KLB: variants seen among roughly 807,000 people sequenced by gnomAD.
KLB encodes klotho beta.
A neutral mutation model predicts 88.4 loss-of-function variants in KLB; 44 were observed. That is an observed-to-expected ratio of 0.50 (90% confidence interval 0.39 to 0.64). The LOEUF is 0.64. Ranked by LOEUF, KLB falls within the 30% of genes least tolerant of loss-of-function variation. The probability of loss-of-function intolerance (pLI) is 0.00; values close to 1 mark genes in which losing one functional copy is unlikely to be tolerated. For synonymous variants in KLB, 548 were observed against 513.4 expected, an observed-to-expected ratio of 1.07 and a Z score of -0.91; for missense variants, 1,137 against 1,304.8, an observed-to-expected ratio of 0.87 and a Z score of 1.98.
chr4:39,445,061 T>C (rs1204728056), intron 3 of KLB, among the ~76,000 whole-genome samples: 4 of 152,228 alleles, frequency 2.6e-5, no homozygotes, highest in Admixed American at 6.5e-5. Context: ...GGAATGTTTT[T>C]CTTAAGGGCT....
At chr4:39,441,795 T>G (rs1024396936) in intron 3 of KLB, 3 of 149,498 alleles carry the variant, frequency 2.0e-5, no homozygotes, top group Non-Finnish European at 2.9e-5. Flanking sequence ...AATAAATAAA[T>G]AAATAAATAA....
At chr4:39,423,256 T>G (rs1743128734) in intron 1 of KLB, among the ~76,000 whole-genome samples, 1 of 146,106 alleles carries the variant, frequency 6.8e-6, no homozygotes, top group Non-Finnish European at 1.5e-5. Flanking sequence ...AGAAGCGCTG[T>G]GCTAGGCACT....
Position 39,448,497 on chromosome 4 carries a change from TAC to T in KLB, c.2948_2949del (p.Thr983ArgfsTer61), listed in dbSNP as rs1743812763. The T allele has an allele frequency of 3.1e-6, 5 of 1,614,048 alleles. No homozygotes were observed. Among genetic ancestry groups the T allele is most frequent in the Non-Finnish European group, 3.4e-6 (4 of 1,180,014 alleles). On this transcript the variant is annotated frameshift_variant, in exon 5 of 5. Coordinates refer to ENST00000257408, the MANE Select transcript of KLB (RefSeq NM_175737.4). LOFTEE classifies it high-confidence loss of function. ...SSRCSQTQENTECTVCLFLVQ... is the reference protein window; with the variant it reads ...SSRCSQTQENXECTVCLFLVQ... ...CTAGATGCAGTCAGACCCAAGAAAA[TAC>T]AGAGTGCACTGTCTGCTTATTCCTT...
At chr4:39,430,985 C>T (rs921381661) in intron 1 of KLB, among the ~76,000 whole-genome samples, 3 of 148,674 alleles carry the variant, frequency 2.0e-5, no homozygotes, top group African/African-American at 7.4e-5. Context: ...GGTGCCATCT[C>T]AGCTCACTGC....
At chr4:39,422,784 C>CA (rs1743118143) in intron 1 of KLB, among the ~76,000 whole-genome samples, 2 of 149,060 alleles carry the variant, frequency 1.3e-5, no homozygotes, top group Non-Finnish European at 3.0e-5. Context: ...TTTTTTGAGA[C>CA]AGAGTCTTGC....
In KLB at chr4:39,446,957, C is replaced by T; in HGVS notation, c.2231C>T (p.Ala744Val). The change falls in exon 4 of 5, where the codon GCG becomes GTG. Residue 744 changes from alanine (A) to valine (V), a missense_variant. This residue lies in a region of KLB where 426 missense variants were observed against 404.6 expected (regional missense o/e 1.05). Coordinates refer to ENST00000257408, the MANE Select transcript of KLB (RefSeq NM_175737.4). The surrounding 1 kb of genome is among the most constrained non-coding windows in gnomAD (Gnocchi z 6.4). ...QRGAVSLSLH[A>V]DWAEPANPYA... ...GGGGCCGTGTCGCTGTCGCTGCACG[C>T]GGACTGGGCGGAACCCGCCAACCCC... 1.2e-6 allele frequency: 2 copies of T among 1,605,866 alleles called. No individual in the cohort carries two copies. The highest frequency in any genetic ancestry group is 8.5e-7 in the Non-Finnish European group (1 of 1,179,134).
chr4:39,418,082 T>C (rs1224506314), intron 1 of KLB, among the ~76,000 whole-genome samples: 1 of 152,224 alleles, frequency 6.6e-6, no homozygotes, highest in Admixed American at 6.5e-5. Context: ...ACAATCTCTC[T>C]ACATGTTTAA....
intron 1 of KLB, among the ~76,000 whole-genome samples, chr4:39,428,320 C>T (rs1471001188): frequency 1.3e-5 from 2 of 151,662 alleles, no homozygotes; most frequent in Non-Finnish European, 2.9e-5. Context: ...CCCAGTTACT[C>T]AGGAGGCTGA....
chr4:39,428,607 G>A (rs1409037012), intron 1 of KLB, among the ~76,000 whole-genome samples: 1 of 152,084 alleles, frequency 6.6e-6, no homozygotes, highest in Non-Finnish European at 1.5e-5. Context: ...AAAAGACAGA[G>A]ATAGCTAAGT....
intron 1 of KLB, among the ~76,000 whole-genome samples, chr4:39,416,248 T>G (rs1742963137): frequency 6.6e-6 from 1 of 152,168 alleles, no homozygotes; most frequent in African/African-American, 2.4e-5. Context: ...TTGATGGCTG[T>G]TAAAACTCAG....
Position 39,407,052 on chromosome 4 carries a change from T to C in KLB, c.103T>C (p.Leu35=). 5.0e-6 allele frequency: 8 copies of C among 1,614,070 alleles called. No individual in the cohort carries two copies. Among genetic ancestry groups the C allele is most frequent in the Non-Finnish European group, 6.8e-6 (8 of 1,179,906 alleles). Residue 35 remains leucine (L), a synonymous_variant, in exon 1 of 5, where the codon TTG becomes CTG. Coordinates refer to ENST00000257408, the MANE Select transcript of KLB (RefSeq NM_175737.4). The part of the protein sequence containing the change: ...RYRNTMSNGG[L]QRSVILSALI... Reference sequence around the variant, plus strand: ...TAGGAATACAATGTCCAACGGGGGATTGCAAAGATCTGTCATCCTGTCAGC... The same window carrying C: ...TAGGAATACAATGTCCAACGGGGGACTGCAAAGATCTGTCATCCTGTCAGC...
intron 1 of KLB, among the ~76,000 whole-genome samples, chr4:39,427,543 A>C (rs1424802258): frequency 6.6e-6 from 1 of 152,042 alleles, no homozygotes; most frequent in Non-Finnish European, 1.5e-5. Flanking sequence ...GCAGATGAAA[A>C]GATGAATCAA....
In KLB at chr4:39,448,508, C is replaced by T. The variant is rs771243302; in HGVS notation, c.2957C>T (p.Thr986Ile). ...CAGACCCAAGAAAATACAGAGTGCA[C>T]TGTCTGCTTATTCCTTGTGCAGAAG... is the stretch of plus-strand genomic sequence containing the variant. ...CSQTQENTECTVCLFLVQKKP... is the reference protein window; with the variant it reads ...CSQTQENTECIVCLFLVQKKP... Residue 986 changes from threonine to isoleucine, a missense_variant, in exon 5 of 5, where the codon ACT becomes ATT. By Grantham distance (89) the Thr-to-Ile change is moderately conservative (BLOSUM62 -1). Coordinates refer to ENST00000257408, the MANE Select transcript of KLB (RefSeq NM_175737.4). 6.2e-7 allele frequency: 1 copy of T among 1,614,176 alleles called. No homozygotes were observed. The highest frequency in any genetic ancestry group is 1.3e-5 in the African/African-American group (1 of 75,060).
At chr4:39,413,747 A>C (rs555601156) in intron 1 of KLB, among the ~76,000 whole-genome samples, 2 of 152,090 alleles carry the variant, frequency 1.3e-5, no homozygotes, top group East Asian at 3.9e-4. Context: ...AATAAATAAA[A>C]TAAAATAAAA....
chr4:39,447,561 C>CA, intron 4 of KLB, 86 bp downstream of exon 4: 2 of 1,161,234 alleles, frequency 1.7e-6, no homozygotes, highest in East Asian at 2.5e-5. Context: ...CAGGCTGGTG[C>CA]CTGACAGCAT....
intron 1 of KLB, among the ~76,000 whole-genome samples, chr4:39,412,720 T>G (rs186889091): frequency 2.0e-5 from 3 of 152,278 alleles, no homozygotes; most frequent in Admixed American, 2.0e-4. Context: ...ATGATACTTT[T>G]CCATCTCCCC....
rs778465646 is a variant in KLB at position 39,448,403 on chromosome 4, C to G, written c.2852C>G (p.Ala951Gly). Residue 951 changes from alanine to glycine, a missense_variant, in exon 5 of 5, where the codon GCT becomes GGT. Transcript: ENST00000257408. The stretch of plus-strand genomic sequence containing the variant: ...GGATTCTTCACATCTGATTTTAAAG[C>G]TAAATCCTCAATACAATTTTACAAC... ...RFGFFTSDFK[A>G]KSSIQFYNKV... The G allele has an allele frequency of 2.5e-6, 4 of 1,614,080 alleles. 1 individual carries two copies. In the South Asian group the frequency reaches 4.4e-5, roughly 18 times the overall value.
rs1433853505 is a variant in KLB at position 39,424,800 on chromosome 4, T to G, written c.826-9410T>G. Among the ~76,000 whole-genome samples the G allele has an allele frequency of 2.6e-5, 4 of 152,044 alleles. No individual in the cohort carries two copies. In the East Asian group the frequency reaches 7.7e-4, roughly 29 times the overall value. Reference sequence around the variant, plus strand: ...TGTGCCACCACGCCTGGCTAATTTTTGTATTTTTAATAGAGATGGGGTTTC... The same window carrying G: ...TGTGCCACCACGCCTGGCTAATTTTGGTATTTTTAATAGAGATGGGGTTTC... On this transcript the variant is annotated intron_variant, in intron 1 of 4. Transcript: ENST00000257408.
In KLB at chr4:39,416,448, G is replaced by T. The variant is rs143553424; in HGVS notation, c.825+8674G>T. Among the ~76,000 whole-genome samples the T allele has an allele frequency of 1.4e-3, 208 of 151,976 alleles. 1 individual carries two copies. Among genetic ancestry groups the T allele is most frequent in the African/African-American group, 4.7e-3 (194 of 41,448 alleles). On this transcript the variant is annotated intron_variant, in intron 1 of 4. Transcript: ENST00000257408. The stretch of plus-strand genomic sequence containing the variant: ...TCTTCATATAGTTCTCTTCTTAAAG[G>T]CTCTGTTAAAATTATTAAACAAAAT...
Sources: gnomAD v4.1 joint callset for allele counts (sites outside exome capture counted in the v4.1 genomes callset) on GRCh38, gnomAD v4.1.1 for gene constraint, gnomAD v4.1.1 regional missense constraint, Gnocchi (gnomAD v3.1) non-coding constraint, MANE v1.5 for transcripts, NCBI Gene and HGNC (gene_info 2026-07-23, HGNC 2026-07-21) for gene names.